The following RGL1 variants were observed in gnomAD, a reference collection of about 807,000 sequenced individuals.
RGL1 encodes the protein ral guanine nucleotide dissociation stimulator like 1.
A neutral mutation model predicts 95.2 loss-of-function variants in RGL1; 24 were observed. The observed-to-expected ratio is 0.25, with a 90% CI of 0.18 to 0.35. The LOEUF is 0.35. RGL1 is among the 10% of genes least tolerant of loss of function. RGL1 has a pLI of 1.00. For synonymous variants in RGL1, 329 were observed against 344.9 expected (o/e 0.95, Z 0.51); for missense variants, 715 against 936.3 (o/e 0.76, Z 3.08).
intron 1 of RGL1, among the ~76,000 whole-genome samples, chr1:183,706,531 G>C (rs1654925023): frequency 6.6e-6 from 1 of 152,182 alleles, no homozygotes; most frequent in South Asian, 2.1e-4. Flanking sequence ...GAAGGGATGG[G>C]GGCAGTCCTT....
intron 2 of RGL1, among the ~76,000 whole-genome samples, chr1:183,769,381 C>T (rs1191112216): frequency 1.3e-5 from 2 of 152,180 alleles, no homozygotes; most frequent in Non-Finnish European, 2.9e-5. Flanking sequence ...ATACAAAACC[C>T]AGACAAAAAT....
chr1:183,755,639 T>A (rs1658279687), intron 2 of RGL1, among the ~76,000 whole-genome samples: 1 of 152,158 alleles, frequency 6.6e-6, no homozygotes, highest in African/African-American at 2.4e-5. Flanking sequence ...AACTATACAT[T>A]TAAAATGGAC....
At position 183,805,209 on chromosome 1, in the gene RGL1, G is replaced by GCGCC. The variant is rs1337643645; in HGVS notation, c.-88_-85dup. 1 of 1,551,384 alleles carries GCGCC rather than the reference G, an allele frequency of 6.4e-7. No individual in the cohort carries two copies. Among genetic ancestry groups the GCGCC allele is most frequent in the African/African-American group, 1.4e-5 (1 of 72,994 alleles). On this transcript the variant is annotated 5_prime_UTR_variant, in exon 1 of 18. Transcript: ENST00000360851. ...CGCTCGGGACCGGGACCGGGGCGAG[G>GCGCC]CGCCGCGGGGCTGAGCCCAGCAGAC...
At chr1:183,872,779 C>G (rs763963608) in intron 4 of RGL1, among the ~76,000 whole-genome samples, 5 of 152,120 alleles carry the variant, frequency 3.3e-5, no homozygotes, top group Non-Finnish European at 7.3e-5. Context: ...TTCATTCCTG[C>G]AAATTCAGAT....
At chr1:183,668,503 A>G (rs771769077) in intron 1 of RGL1, among the ~76,000 whole-genome samples, 6 of 151,934 alleles carry the variant, frequency 3.9e-5, no homozygotes, top group Non-Finnish European at 8.8e-5. Context: ...GTGTCTCCCT[A>G]TATTGCCCAG....
chr1:183,658,481 C>T (rs1177778), intron 1 of RGL1, among the ~76,000 whole-genome samples: 59,458 of 151,286 alleles, frequency 0.39, 11,923 homozygotes, highest in African/African-American at 0.47. Flanking sequence ...GAGATCAAAC[C>T]GCAAGGTGGC....
chr1:183,926,475 C>G lies in RGL1; in HGVS notation c.*183C>G. On this transcript the variant is annotated 3_prime_UTR_variant, in exon 18 of 18. Transcript: ENST00000360851. Reference sequence around the variant, plus strand: ...GTGGGGAAACTGGAAATGAATTTGACATGAAAAGGATGAACGATTCACTGA... The same window carrying G: ...GTGGGGAAACTGGAAATGAATTTGAGATGAAAAGGATGAACGATTCACTGA... 4.4e-6 allele frequency: 2 copies of G among 457,324 alleles called. No homozygotes were observed. Among genetic ancestry groups the G allele is most frequent in the Non-Finnish European group, 7.8e-6 (2 of 256,538 alleles). The allele number at this position is 457,324 out of a possible 1,614,324, so 28.3% of individuals were successfully genotyped here.
At chr1:183,862,652 T>C (rs11591044) in intron 3 of RGL1, among the ~76,000 whole-genome samples, 11,086 of 152,318 alleles carry the variant, frequency 0.073, 415 homozygotes, top group Admixed American at 0.094. Context: ...TTGATACTTG[T>C]AGAAGCATAA....
intron 1 of RGL1, among the ~76,000 whole-genome samples, chr1:183,705,769 C>T (rs1386012871): frequency 6.6e-6 from 1 of 152,134 alleles, no homozygotes; most frequent in African/African-American, 2.4e-5. Flanking sequence ...GCCTGAGGTC[C>T]TGGACTAAGC....
intron 1 of RGL1, among the ~76,000 whole-genome samples, chr1:183,695,524 A>G (rs1258572807): frequency 2.0e-5 from 3 of 152,258 alleles, no homozygotes; most frequent in African/African-American, 7.2e-5. Flanking sequence ...CATGAGGGCT[A>G]TGGAATGTAT....
At chr1:183,742,684 T>C (rs908018113) in intron 2 of RGL1, among the ~76,000 whole-genome samples, 1 of 151,932 alleles carries the variant, frequency 6.6e-6, no homozygotes, top group African/African-American at 2.4e-5. Context: ...TTATATAAAA[T>C]GCTGATATTT....
chr1:183,672,120 A>G (rs1038547096), intron 1 of RGL1, among the ~76,000 whole-genome samples: 2 of 151,850 alleles, frequency 1.3e-5, no homozygotes, highest in Admixed American at 1.3e-4. Context: ...TTTAGTAGAG[A>G]TGGGGTTTCG....
At chr1:183,746,701 G>T (rs981850774) in intron 2 of RGL1, among the ~76,000 whole-genome samples, 2 of 150,146 alleles carry the variant, frequency 1.3e-5, no homozygotes, top group Non-Finnish European at 3.0e-5. Context: ...GAACATGCAG[G>T]TTTGTTATAC....
At chr1:183,760,957 AG>A (rs1458656226) in intron 2 of RGL1, among the ~76,000 whole-genome samples, 2 of 152,170 alleles carry the variant, frequency 1.3e-5, no homozygotes, top group Non-Finnish European at 2.9e-5. Context: ...GCTTACTGTG[AG>A]ATTGCAGCAA....
chr1:183,759,574 T>G (rs1351938962), intron 2 of RGL1, among the ~76,000 whole-genome samples: 1 of 152,150 alleles, frequency 6.6e-6, no homozygotes, highest in Admixed American at 6.5e-5. Flanking sequence ...CATCATAATA[T>G]ACAGAAAATT....
At chr1:183,919,640 G>A (rs772201112) in intron 16 of RGL1, among the ~76,000 whole-genome samples, 3 of 152,162 alleles carry the variant, frequency 2.0e-5, no homozygotes, top group Non-Finnish European at 4.4e-5. Context: ...ATTAGCCCTT[G>A]TAAAATTACC....
At chr1:183,897,737 A>T (rs1276381257) in intron 9 of RGL1, 71 bp from the exon 10 acceptor site, 3 of 1,135,190 alleles carry the variant, frequency 2.6e-6, no homozygotes, top group Admixed American at 1.8e-5. Context: ...GCGAGAAACT[A>T]GATGCCTCTT....
intron 2 of RGL1, among the ~76,000 whole-genome samples, chr1:183,837,705 G>A (rs966320958): frequency 1.3e-5 from 2 of 152,126 alleles, no homozygotes; most frequent in African/African-American, 4.8e-5. Flanking sequence ...AATTCATAAC[G>A]CCTTAGTTCA....
At chr1:183,799,047 C>T (rs889000588) in intron 2 of RGL1, among the ~76,000 whole-genome samples, 2 of 151,888 alleles carry the variant, frequency 1.3e-5, no homozygotes, top group Non-Finnish European at 2.9e-5. Context: ...GAATTACAGG[C>T]GCCCGCCACC....
Sources: gnomAD v4.1 joint callset for allele counts (sites outside exome capture counted in the v4.1 genomes callset) on GRCh38, gnomAD v4.1.1 for gene constraint, MANE v1.5 for transcripts, NCBI Gene and HGNC (gene_info 2026-07-23, HGNC 2026-07-21) for gene names.